Variants in UNC13C observed in about 807,000 individuals in gnomAD.
UNC13C encodes unc-13 homolog C.
In UNC13C, 174 loss-of-function variants were observed where a neutral mutation model predicts 245.4. The ratio of observed to expected loss-of-function variants is 0.71; its 90% CI spans 0.63 to 0.80. UNC13C has a LOEUF of 0.80. UNC13C is among the 30% of genes least tolerant of loss of function. The pLI is 0.00. For missense variants in UNC13C, 2,829 were observed against 2,602.9 expected, an observed-to-expected ratio of 1.09 and a Z score of -1.89; for synonymous variants, 992 against 895.1, an observed-to-expected ratio of 1.11 and a Z score of -1.93.
intron 4 of UNC13C, among the ~76,000 whole-genome samples, chr15:54,231,314 A>G (rs2035544702): frequency 6.6e-6 from 1 of 152,094 alleles, no homozygotes; most frequent in Admixed American, 6.5e-5. Flanking sequence ...TCTCTGCAAT[A>G]TATTAGTTTC....
intron 19 of UNC13C, among the ~76,000 whole-genome samples, chr15:54,454,380 C>A (rs1026601966): frequency 3.9e-5 from 6 of 152,010 alleles, no homozygotes; most frequent in Non-Finnish European, 8.8e-5. Flanking sequence ...AGTTCGAGAC[C>A]AGCCTAGCCA....
chr15:54,117,873 G>A (rs894888834), intron 2 of UNC13C, among the ~76,000 whole-genome samples: 1 of 151,924 alleles, frequency 6.6e-6, no homozygotes, highest in Non-Finnish European at 1.5e-5. Context: ...GTACTACCAC[G>A]CCTGGCCCCA....
At chr15:54,387,007 C>G (rs1199721268) in intron 17 of UNC13C, among the ~76,000 whole-genome samples, 1 of 152,170 alleles carries the variant, frequency 6.6e-6, no homozygotes, top group Non-Finnish European at 1.5e-5. Flanking sequence ...CCACATTGCT[C>G]TTCACAAGGA....
intron 30 of UNC13C, among the ~76,000 whole-genome samples, chr15:54,594,740 T>G (rs1258480873): frequency 1.3e-5 from 2 of 152,198 alleles, no homozygotes; most frequent in Non-Finnish European, 2.9e-5. Context: ...AAAACTTGCC[T>G]GAGGCTTTCC....
intron 26 of UNC13C, among the ~76,000 whole-genome samples, chr15:54,533,865 G>T (rs6493687): frequency 0.56 from 84,937 of 151,930 alleles, 25,503 homozygotes; most frequent in African/African-American, 0.79. Context: ...ACATGATTTC[G>T]TAAACAGTGA....
intron 19 of UNC13C, among the ~76,000 whole-genome samples, chr15:54,475,002 A>T (rs946594004): frequency 2.0e-5 from 3 of 151,984 alleles, no homozygotes; most frequent in Admixed American, 6.6e-5. Context: ...GTGTGAAGAC[A>T]TCCATCCCCA....
At chr15:54,090,277 G>T (rs1162446878) in intron 2 of UNC13C, among the ~76,000 whole-genome samples, 1 of 148,564 alleles carries the variant, frequency 6.7e-6, no homozygotes, top group Non-Finnish European at 1.5e-5. Context: ...TATCAGTTAT[G>T]ACTCTGTTGT....
At chr15:54,173,175 T>C (rs1219624969) in intron 4 of UNC13C, among the ~76,000 whole-genome samples, 3 of 152,014 alleles carry the variant, frequency 2.0e-5, no homozygotes, top group Non-Finnish European at 4.4e-5. Context: ...TCCAATTTTG[T>C]TATCTTTTTA....
chr15:54,173,223 C>T (rs1008245741), intron 4 of UNC13C, among the ~76,000 whole-genome samples: 2 of 151,908 alleles, frequency 1.3e-5, no homozygotes, highest in African/African-American at 4.8e-5. Flanking sequence ...ACCTTGAAGT[C>T]CCATATAAAT....
At chr15:54,587,478 A>G (rs1264756564) in intron 30 of UNC13C, among the ~76,000 whole-genome samples, 1 of 152,256 alleles carries the variant, frequency 6.6e-6, no homozygotes, top group African/African-American at 2.4e-5. Flanking sequence ...TGGACAAAAT[A>G]GAGATATGAT....
chr15:54,109,249 TCTTTC>T (rs1224955985), intron 2 of UNC13C, among the ~76,000 whole-genome samples: 1 of 149,884 alleles, frequency 6.7e-6, no homozygotes, highest in Non-Finnish European at 1.5e-5. Flanking sequence ...TATTTTCCTT[TCTTTC>T]CTTTCCTTTC....
intron 8 of UNC13C, among the ~76,000 whole-genome samples, chr15:54,262,353 T>A (rs982251588): frequency 6.6e-6 from 1 of 152,238 alleles, no homozygotes; most frequent in African/African-American, 2.4e-5. Context: ...TTTAGGACAT[T>A]CCTTGCCTGG....
In UNC13C at chr15:54,593,771, T is replaced by C. The variant is rs2141259381; in HGVS notation, c.6106+25824T>C. 1.3e-5 allele frequency among the ~76,000 whole-genome samples: 2 copies of C among 152,328 alleles called. 1 individual carries two copies. Among genetic ancestry groups the C allele is most frequent in the South Asian group, 4.1e-4 (2 of 4,826 alleles). ...TTTTGGATTTCCTTGCACCAGGCTT[T>C]GCCTTTCTCTGGTCCCTCCCTGAGT... On this transcript the variant is annotated intron_variant, in intron 30 of 32. Transcript: ENST00000260323.
chr15:54,305,135 T>A (rs905678212), intron 13 of UNC13C, among the ~76,000 whole-genome samples: 1 of 152,112 alleles, frequency 6.6e-6, no homozygotes, highest in African/African-American at 2.4e-5. Context: ...AGAAAGTCAG[T>A]ACATATTTGC....
chr15:54,181,855 A>G (rs2033811948), intron 4 of UNC13C, among the ~76,000 whole-genome samples: 1 of 151,934 alleles, frequency 6.6e-6, no homozygotes, highest in Admixed American at 6.6e-5. Flanking sequence ...TGTTGTATAG[A>G]AATGCTACTA....
At chr15:54,331,086 A>G (rs2038423709) in intron 14 of UNC13C, among the ~76,000 whole-genome samples, 1 of 152,094 alleles carries the variant, frequency 6.6e-6, no homozygotes, top group Non-Finnish European at 1.5e-5. Context: ...TATATACCCC[A>G]TAAATCCACC....
chr15:54,419,840 C>T (rs1175261155), intron 19 of UNC13C, among the ~76,000 whole-genome samples: 1 of 152,072 alleles, frequency 6.6e-6, no homozygotes, highest in Non-Finnish European at 1.5e-5. Context: ...AATTCAGAGT[C>T]TGTGTTGTCG....
chr15:53,839,961 CT>C, the UNC13C span, among the ~76,000 whole-genome samples: 1 of 152,022 alleles, frequency 6.6e-6, no homozygotes, highest in East Asian at 1.9e-4. Flanking sequence ...TTATTCTATC[CT>C]GTTTTTTACC....
At chr15:54,632,506 T>C (rs1405565198), downstream of UNC13C, 3 of 152,226 alleles carry the variant, frequency 2.0e-5, no homozygotes, top group Non-Finnish European at 2.9e-5. Context: ...TTGAGGTTAA[T>C]AGAGGGTGTA....
Sources: gnomAD v4.1 joint callset for allele counts (sites outside exome capture counted in the v4.1 genomes callset) on GRCh38, gnomAD v4.1.1 for gene constraint, MANE v1.5 for transcripts, NCBI Gene and HGNC (gene_info 2026-07-23, HGNC 2026-07-21) for gene names.